ERI2: variants seen among roughly 807,000 people sequenced by gnomAD.
ERI2 encodes the protein ERI1 exoribonuclease 2.
Under a neutral mutation model 46.8 loss-of-function variants are expected in ERI2, and 35 were observed. That is an observed-to-expected ratio of 0.75 (90% CI 0.57 to 0.99). The LOEUF (loss-of-function observed/expected upper bound fraction) is 0.99, where lower values mean the gene tolerates loss of function less well. Among genes scored for constraint, ERI2 ranks in the 50% least tolerant of loss-of-function variants. ERI2 has a pLI of 0.00. For missense variants in ERI2, 695 were observed against 796.2 expected (o/e 0.87, Z 1.53); for synonymous variants, 224 against 271.0 (o/e 0.83, Z 1.70).
intron 7 of ERI2, 72 bp downstream of exon 7, chr16:20,799,885 C>T: frequency 1.1e-6 from 1 of 894,898 alleles, no homozygotes; most frequent in Non-Finnish European, 1.8e-6. Context: ...AATGACATTA[C>T]CAAAAAATGA....
At chr16:20,803,703 T>G in intron 1 of ERI2, 33 bp from the exon 2 acceptor site, 3 of 1,608,864 alleles carry the variant, frequency 1.9e-6, no homozygotes, top group Non-Finnish European at 2.5e-6. Context: ...ATATGATCAA[T>G]GAACTCATTC....
At position 20,796,509 on chromosome 16, in the gene ERI2, C is replaced by T. The variant is rs190493115; in HGVS notation, c.*1215G>A. 210 of 1,608,844 alleles carry T rather than the reference C, an allele frequency of 1.3e-4. No homozygotes were observed. In the African/African-American group the frequency reaches 2.2e-3, roughly 17 times the overall value. On this transcript the variant is annotated 3_prime_UTR_variant, in exon 9 of 9. Coordinates refer to ENST00000357967, the MANE Select transcript of ERI2 (RefSeq NM_001142725.2). The stretch of plus-strand genomic sequence containing the variant: ...AGAAAGGTAGGCATCCTAATTATAA[C>T]GAATATTTGCTCAGTGTTGTGGACA...
intron 10 of ERI2, chr16:20,789,402 G>T: frequency 9.5e-7 from 1 of 1,052,088 alleles, no homozygotes; most frequent in East Asian, 2.4e-5. Context: ...CTTAATAAAT[G>T]CTAGCTACTG....
Position 20,785,172 on chromosome 16 carries a change from G to A in ERI2, c.894+4307C>T, listed in dbSNP as rs1596529357. On this transcript the variant is annotated intron_variant, in intron 10 of 10. Coordinates refer to the ERI2 transcript ENST00000300005. The stretch of plus-strand genomic sequence containing the variant: ...TAGTCAGATGAATAAAAACCAAAGT[G>A]TCCACAGTCTCCTTATGATTATTTG... 2.5e-6 allele frequency: 4 copies of A among 1,589,640 alleles called. No homozygotes were observed. In the East Asian group the frequency reaches 9.1e-5, roughly 36 times the overall value.
At chr16:20,802,738 T>C (rs2080809672) in intron 4 of ERI2, 58 bp downstream of exon 4, 2 of 1,550,128 alleles carry the variant, frequency 1.3e-6, no homozygotes, top group Non-Finnish European at 1.8e-6. Context: ...TCAAATGGTA[T>C]AATAACTTTT....
chr16:20,798,947 T>C lies in ERI2; in HGVS notation c.853A>G (p.Asn285Asp), dbSNP rs1567370520. The C allele has an allele frequency of 6.4e-7, 1 of 1,551,012 alleles. No individual in the cohort carries two copies. The highest frequency in any genetic ancestry group is 2.0e-5 in the Admixed American group (1 of 50,906). The change falls in exon 9 of 9, where the codon AAT (asparagine) becomes GAT (aspartate). Residue 285 changes from asparagine (N) to aspartate (D), a missense_variant. Coordinates refer to ENST00000357967, the MANE Select transcript of ERI2 (RefSeq NM_001142725.2). ...ACTTTTTCATGAGGATTTATTATAT[T>C]TTTAGGCTCCTTATTATATATGCTG... is the stretch of plus-strand genomic sequence containing the variant. The part of the protein sequence containing the change: ...GPSIYNKEPK[N>D]IINPHEKVQM...
At position 20,790,789 on chromosome 16, in the gene ERI2, CT is replaced by C; in HGVS notation, c.815+60del. On this transcript the variant is annotated intron_variant, in intron 9 of 10. Coordinates refer to the ERI2 transcript ENST00000300005. The surrounding 1 kb of genome is among the most constrained non-coding windows in gnomAD (Gnocchi z 4.0). ...ACATACCTAGGATAGGTACTTGACC[CT>C]TTCTTGAGAGATTGGTTGTCCTGAA... The C allele has an allele frequency of 2.5e-6, 4 of 1,613,114 alleles. No homozygotes were observed. The South Asian group carries it at 4.4e-5, about 18-fold the overall frequency.
At chr16:20,795,660 A>T (rs1351362261), downstream of ERI2, among the ~76,000 whole-genome samples, 2 of 152,186 alleles carry the variant, frequency 1.3e-5, no homozygotes, top group African/African-American at 4.8e-5. Context: ...ATCATTCCAT[A>T]GCCAGCTCCG....
intron 8 of ERI2, 37 bp from the exon 9 acceptor site, chr16:20,799,104 CTG>C: frequency 2.0e-6 from 3 of 1,481,132 alleles, no homozygotes; most frequent in Middle Eastern, 1.8e-4. Context: ...GCTTTAGAAA[CTG>C]TGCATTCGTT....
downstream of ERI2, chr16:20,796,243 T>A: frequency 6.3e-6 from 9 of 1,438,500 alleles, no homozygotes; most frequent in Non-Finnish European, 8.3e-6. Context: ...AGAGCTGGGA[T>A]CAAACTTTAT....
intron 1 of ERI2, among the ~76,000 whole-genome samples, chr16:20,804,865 C>T (rs1394820119): frequency 6.6e-6 from 1 of 152,112 alleles, no homozygotes; most frequent in South Asian, 2.1e-4. Context: ...CTGCTTACTA[C>T]ATAGCAGGTA....
Position 20,790,861 on chromosome 16 carries a change from C to T in ERI2, c.804G>A (p.Gln268=). 3 of 1,614,022 alleles carry T rather than the reference C, an allele frequency of 1.9e-6. No homozygotes were observed. Among genetic ancestry groups the T allele is most frequent in the Non-Finnish European group, 2.5e-6 (3 of 1,179,958 alleles). ...AATTGAAGAAATACCCAAATTCTTG[C>T]TGAAGAAAAGCATGCTGGTCCCCTG... Residue 268 remains glutamine, a synonymous_variant, in exon 9 of 11, where the codon CAG becomes CAA. Transcript: ENST00000300005. This position sits in a 1 kb window ranked among gnomAD's most constrained non-coding sequence, Gnocchi z 4.0.
chr16:20,781,026 G>A (rs749129574), intron 10 of ERI2: 1 of 1,614,198 alleles, frequency 6.2e-7, no homozygotes, highest in Non-Finnish European at 8.5e-7. Flanking sequence ...CTCAGATACG[G>A]GCTGGGCAAA....
intron 6 of ERI2, 90 bp from the exon 7 acceptor site, chr16:20,800,128 AT>A: frequency 1.1e-6 from 1 of 938,000 alleles, no homozygotes; most frequent in Non-Finnish European, 1.6e-6. Flanking sequence ...GTTCTATTAG[AT>A]TTAGAATGTG....
chr16:20,781,637 G>A (rs1053778041), intron 10 of ERI2: 41 of 1,147,328 alleles, frequency 3.6e-5, no homozygotes, highest in South Asian at 1.6e-4. Flanking sequence ...ATTGTGCTGC[G>A]TCAACCAAAG....
chr16:20,797,970 A>G lies in ERI2; in HGVS notation c.1830T>C (p.Asn610=). The change falls in exon 9 of 9, where the codon AAT becomes AAC. Residue 610 remains asparagine, a synonymous_variant. Coordinates refer to ENST00000357967, the MANE Select transcript of ERI2 (RefSeq NM_001142725.2). ...GRRSKRLVVS[N]NGPNHGKVFY... ...AGACTTTTCCATGGTTCGGTCCATT[A>G]TTAGAAACAACAAGTCTCTTAGATC... 2 of 1,551,956 alleles carry G rather than the reference A, an allele frequency of 1.3e-6. No homozygotes were observed. The highest frequency in any genetic ancestry group is 1.7e-6 in the Non-Finnish European group (2 of 1,146,980).
chr16:20,797,227 A>G lies in ERI2; in HGVS notation c.*497T>C, dbSNP rs2080740027. The G allele has an allele frequency of 1.7e-6, 2 of 1,187,392 alleles. No individual in the cohort carries two copies. The highest frequency in any genetic ancestry group is 4.6e-5 in the South Asian group (2 of 43,016). The allele number at this position is 1,187,392 out of a possible 1,614,324, so 73.6% of individuals were successfully genotyped here. The stretch of plus-strand genomic sequence containing the variant: ...CCATCAATTGCTGATTAATTTTTAA[A>G]TGTATAGTATAGAAGCAGTTTCTGA... On this transcript the variant is annotated 3_prime_UTR_variant, in exon 9 of 9. Transcript: ENST00000357967.
At position 20,796,720 on chromosome 16, in the gene ERI2, A is replaced by G. The variant is rs981352999; in HGVS notation, c.*1004T>C. 9.1e-5 allele frequency: 136 copies of G among 1,489,274 alleles called. 4 individuals carry two copies. In the South Asian group the frequency reaches 1.7e-3, roughly 19 times the overall value. The allele number at this position is 1,489,274 out of a possible 1,614,324, so 92.3% of individuals were successfully genotyped here. ...CACAGTAAATACTTAATATCAAGAC[A>G]ACTTTCCTAACAATACCCTTTTCCC... On this transcript the variant is annotated 3_prime_UTR_variant, in exon 9 of 9. Coordinates refer to ENST00000357967, the MANE Select transcript of ERI2 (RefSeq NM_001142725.2).
exon 11 of ERI2, chr16:20,780,718 G>A (rs765286234): frequency 6.2e-7 from 1 of 1,614,156 alleles, no homozygotes; most frequent in South Asian, 1.1e-5. Flanking sequence ...TTGCAGACAT[G>A]CCAGTGACAG....
Sources: allele counts gnomAD v4.1 joint callset (sites outside exome capture counted in the v4.1 genomes callset), GRCh38; gene constraint gnomAD v4.1.1; non-coding constraint Gnocchi (gnomAD v3.1); transcripts MANE v1.5; gene names NCBI Gene and HGNC (gene_info 2026-07-23, HGNC 2026-07-21).